ATP2A3: variants seen among roughly 807,000 people sequenced by gnomAD.
The protein encoded by ATP2A3 is sarcoplasmic/endoplasmic reticulum calcium ATPase 3.
Under a neutral mutation model 106.8 loss-of-function variants are expected in ATP2A3, and 61 were observed. The observed-to-expected ratio is 0.57, with a 90% CI of 0.46 to 0.71. ATP2A3 has a LOEUF of 0.71. ATP2A3 is among the 30% of genes least tolerant of loss of function. ATP2A3 has a pLI of 0.00. For synonymous variants in ATP2A3, 611 were observed against 609.3 expected, an observed-to-expected ratio of 1.00 and a Z score of -0.04; for missense variants, 1,201 against 1,423.5, an observed-to-expected ratio of 0.84 and a Z score of 2.52.
intron 1 of ATP2A3, among the ~76,000 whole-genome samples, chr17:3,958,849 A>AATATATATATATATATATAT (rs775662160): frequency 5.9e-5 from 5 of 84,212 alleles, no homozygotes; most frequent in Admixed American, 2.8e-4. Flanking sequence ...CACATATATA[A>AATATATATATATATATATAT]ATATATATAT....
At chr17:3,952,501 G>A (rs886086381) in intron 3 of ATP2A3, among the ~76,000 whole-genome samples, 1 of 152,176 alleles carries the variant, frequency 6.6e-6, no homozygotes, top group African/African-American at 2.4e-5. Flanking sequence ...AAATCCATGT[G>A]GGGGACACTG....
At chr17:3,939,786 T>TTAAAA (rs1555558101) in intron 14 of ATP2A3, among the ~76,000 whole-genome samples, 542 of 50,516 alleles carry the variant, frequency 0.011, 48 homozygotes, top group Middle Eastern at 0.039. Context: ...AGACTCTGTC[T>TTAAAA]AAAAAAAAAA....
intron 1 of ATP2A3, among the ~76,000 whole-genome samples, chr17:3,954,824 C>T (rs537580216): frequency 2.0e-5 from 3 of 152,158 alleles, no homozygotes; most frequent in Non-Finnish European, 2.9e-5. Flanking sequence ...CAACATTTCC[C>T]GAAGCACCTT....
At chr17:3,942,840 C>CAT in intron 11 of ATP2A3, 109 bp from the exon 12 acceptor site, 1 of 1,495,210 alleles carries the variant, frequency 6.7e-7, no homozygotes. Context: ...TGTGGGATGA[C>CAT]ATCTACACTC....
rs974024076 is a variant in ATP2A3 at position 3,929,600 on chromosome 17, C to A, written c.2745-155G>T. On this transcript the variant is annotated intron_variant, in intron 18 of 20. Coordinates refer to ENST00000397041, the MANE Select transcript of ATP2A3 (RefSeq NM_005173.4). This position sits in a 1 kb window ranked among gnomAD's most constrained non-coding sequence, Gnocchi z 4.3. ...CTGTCCCGGGCTGGGACCCCTTTCT[C>A]TGCCCCTCAGACCTAATCTTGGCCG... Among the ~76,000 whole-genome samples the A allele has an allele frequency of 6.6e-6, 1 of 152,198 alleles. No individual in the cohort carries two copies. The highest frequency in any genetic ancestry group is 6.5e-5 in the Admixed American group (1 of 15,286).
intron 1 of ATP2A3, among the ~76,000 whole-genome samples, chr17:3,958,428 C>T (rs2054909842): frequency 6.6e-6 from 1 of 152,132 alleles, no homozygotes; most frequent in African/African-American, 2.4e-5. Context: ...TGCCTCTGTC[C>T]TGTTCACAGA....
At chr17:3,941,724 T>G (rs960347271) in intron 12 of ATP2A3, 70 bp from the exon 13 acceptor site, 18 of 1,518,550 alleles carry the variant, frequency 1.2e-5, no homozygotes, top group Non-Finnish European at 1.6e-5. Flanking sequence ...CTGCCCAAAC[T>G]CAGGAAACTG....
At chr17:3,937,276 G>A (rs1245340566) in intron 15 of ATP2A3, 140 bp downstream of exon 15, 19 of 983,772 alleles carry the variant, frequency 1.9e-5, no homozygotes, top group Non-Finnish European at 3.0e-5. Context: ...CCACTCCAAG[G>A]TGGGACCCTG....
intron 8 of ATP2A3, among the ~76,000 whole-genome samples, chr17:3,946,182 A>T (rs1170399793): frequency 6.7e-6 from 1 of 148,324 alleles, no homozygotes; most frequent in Non-Finnish European, 1.5e-5. Context: ...CAGAAGGCGG[A>T]GGTTGCAGCC....
chr17:3,955,702 G>A lies in ATP2A3; in HGVS notation c.119-1992C>T, dbSNP rs1011312295. Among the ~76,000 whole-genome samples the A allele has an allele frequency of 1.3e-5, 2 of 152,022 alleles. No homozygotes were observed. The highest frequency in any genetic ancestry group is 3.2e-3 in the Middle Eastern group (1 of 316). On this transcript the variant is annotated intron_variant, in intron 1 of 20. Coordinates refer to ENST00000397041, the MANE Select transcript of ATP2A3 (RefSeq NM_005173.4). This position sits in a 1 kb window ranked among gnomAD's most constrained non-coding sequence, Gnocchi z 4.2. Reference sequence around the variant, plus strand: ...GGTGGGCTTGTGCTGGGCTCTTCCCGGGGGATGCCTGTAACCCTCACCTTT... The same window carrying A: ...GGTGGGCTTGTGCTGGGCTCTTCCCAGGGGATGCCTGTAACCCTCACCTTT...
chr17:3,958,829 T>C (rs1444020255), intron 1 of ATP2A3, among the ~76,000 whole-genome samples: 3 of 138,210 alleles, frequency 2.2e-5, no homozygotes, highest in Non-Finnish European at 4.6e-5. Flanking sequence ...CACACATATA[T>C]ATACACACAC....
At chr17:3,954,215 C>A (rs553347814) in intron 1 of ATP2A3, among the ~76,000 whole-genome samples, 2 of 152,288 alleles carry the variant, frequency 1.3e-5, no homozygotes, top group South Asian at 4.1e-4. Context: ...GCTCACCCTG[C>A]CTCTAACATC....
Position 3,929,215 on chromosome 17 carries a change from C to T in ATP2A3, c.2862+113G>A. On this transcript the variant is annotated intron_variant, in intron 19 of 20. Coordinates refer to ENST00000397041, the MANE Select transcript of ATP2A3 (RefSeq NM_005173.4). The surrounding 1 kb of genome is among the most constrained non-coding windows in gnomAD (Gnocchi z 4.3). ...AGGTGGTGGCTGGCCAGACCTCTCACCTCCCTCTCCTCCAGGTAGTTTCCA... is the reference window on the plus strand; with the variant it reads ...AGGTGGTGGCTGGCCAGACCTCTCATCTCCCTCTCCTCCAGGTAGTTTCCA... The T allele has an allele frequency of 2.0e-6, 2 of 1,024,170 alleles. No homozygotes were observed. Among genetic ancestry groups the T allele is most frequent in the South Asian group, 1.6e-5 (1 of 63,872 alleles). 63.4% of individuals were successfully genotyped at this position (1,024,170 alleles called of 1,614,324 possible).
rs143239393 is a variant in ATP2A3, at chr17:3,944,739, C to T, written c.1252G>A (p.Ala418Thr). 1.5e-5 allele frequency: 25 copies of T among 1,613,112 alleles called. No individual in the cohort carries two copies. The African/African-American group carries it at 3.3e-4, about 22-fold the overall frequency. ...DGLVELATIC[A>T]LCNDSALDYN... ...TCCAGAGCCGAGTCGTTGCACAGGGCGCAGATGGTCGCCAGCTCCACCAGC... is the reference window on the plus strand; with the variant it reads ...TCCAGAGCCGAGTCGTTGCACAGGGTGCAGATGGTCGCCAGCTCCACCAGC... The change falls in exon 10 of 21, where the codon GCC becomes ACC. Residue 418 changes from alanine to threonine, a missense_variant. Ala to Thr is a moderately conservative substitution (Grantham distance 58, BLOSUM62 0). Transcript: ENST00000397041.
Position 3,929,926 on chromosome 17 carries a change from A to G in ATP2A3, c.2744+375T>C, listed in dbSNP as rs577355090. On this transcript the variant is annotated intron_variant, in intron 18 of 20. Transcript: ENST00000397041. The surrounding 1 kb of genome is among the most constrained non-coding windows in gnomAD (Gnocchi z 4.3). ...GATCCCAATCCTGAACCCCCCAAAC[A>G]TCAGACCCCAACCTGAACCCCTTGA... Among the ~76,000 whole-genome samples, 2 of 138,936 alleles carry G rather than the reference A, an allele frequency of 1.4e-5. No homozygotes were observed. The highest frequency in any genetic ancestry group is 4.3e-4 in the East Asian group (2 of 4,628). The allele number at this position is 138,936 out of a possible 152,430, so 91.1% of individuals were successfully genotyped here. A position where few individuals can be genotyped will look rare whatever the true frequency, so the allele number is the denominator to read the frequency against.
intron 1 of ATP2A3, among the ~76,000 whole-genome samples, chr17:3,962,208 A>T (rs11871735): frequency 0.17 from 25,215 of 152,138 alleles, 2,932 homozygotes; most frequent in African/African-American, 0.32. Flanking sequence ...TGTCTTGTAC[A>T]GATGGGGAAA....
Position 3,925,339 on chromosome 17 carries a change from T to C in ATP2A3, c.*83A>G, listed in dbSNP as rs1390112278. The C allele has an allele frequency of 1.2e-6, 2 of 1,611,004 alleles. No individual in the cohort carries two copies. Among genetic ancestry groups the C allele is most frequent in the Non-Finnish European group, 1.7e-6 (2 of 1,178,530 alleles). ...CCGGTGGGCAAGTGGGCGAGTGTGG[T>C]GGCAAGGGTGGGGGGCGGAGGCGAA... is the stretch of plus-strand genomic sequence containing the variant. On this transcript the variant is annotated 3_prime_UTR_variant, in exon 21 of 21. Coordinates refer to ENST00000397041, the MANE Select transcript of ATP2A3 (RefSeq NM_005173.4). This position sits in a 1 kb window ranked among gnomAD's most constrained non-coding sequence, Gnocchi z 4.2.
At chr17:3,938,203 G>A (rs925723973) in intron 14 of ATP2A3, among the ~76,000 whole-genome samples, 6 of 152,190 alleles carry the variant, frequency 3.9e-5, no homozygotes, top group Non-Finnish European at 8.8e-5. Context: ...GGAGGCCGAG[G>A]TGGGTGGATG....
At position 3,947,798 on chromosome 17, in the gene ATP2A3, T is replaced by C; in HGVS notation, c.688A>G (p.Thr230Ala). 1 of 1,600,938 alleles carries C rather than the reference T, an allele frequency of 6.2e-7. No individual in the cohort carries two copies. The highest frequency in any genetic ancestry group is 1.1e-5 in the South Asian group (1 of 91,082). The part of the protein sequence containing the change: ...VGVAVATGLH[T>A]ELGKIRSQMA... ...TGGCTCCGGATCTTGCCCAGCTCCGTGTGCAGGCCGGTGGCCACGGCCACA... is the reference window on the plus strand; with the variant it reads ...TGGCTCCGGATCTTGCCCAGCTCCGCGTGCAGGCCGGTGGCCACGGCCACA... Residue 230 changes from threonine (T) to alanine (A), a missense_variant, in exon 8 of 21, where the codon ACG becomes GCG. Coordinates refer to ENST00000397041, the MANE Select transcript of ATP2A3 (RefSeq NM_005173.4). The surrounding 1 kb of genome is among the most constrained non-coding windows in gnomAD (Gnocchi z 7.7).
Sources: gnomAD v4.1 joint callset for allele counts (sites outside exome capture counted in the v4.1 genomes callset) on GRCh38, gnomAD v4.1.1 for gene constraint, Gnocchi (gnomAD v3.1) non-coding constraint, MANE v1.5 for transcripts, NCBI Gene and HGNC (gene_info 2026-07-23, HGNC 2026-07-21) for gene names.